The following PARD3 variants were observed in gnomAD, a reference collection of about 807,000 sequenced individuals.
PARD3 encodes the protein par-3 family cell polarity regulator.
In PARD3, 75 loss-of-function variants were observed where a neutral mutation model predicts 155.4. The ratio of observed to expected loss-of-function variants is 0.48; its 90% CI spans 0.40 to 0.58. The LOEUF is 0.58. PARD3 is among the 20% of genes least tolerant of loss of function. The pLI is 0.00. For missense variants in PARD3, 1,642 were observed against 1,721.7 expected, an observed-to-expected ratio of 0.95 and a Z score of 0.82; for synonymous variants, 576 against 610.5, an observed-to-expected ratio of 0.94 and a Z score of 0.83.
At chr10:34,620,542 G>A (rs138319980) in intron 2 of PARD3, among the ~76,000 whole-genome samples, 84 of 152,316 alleles carry the variant, frequency 5.5e-4, no homozygotes, top group African/African-American at 2.0e-3. Flanking sequence ...AGGAAACGAC[G>A]AGGCTGTTTG....
intron 2 of PARD3, among the ~76,000 whole-genome samples, chr10:34,629,500 G>A (rs2092154379): frequency 6.6e-6 from 1 of 152,194 alleles, no homozygotes. Context: ...TCCAGATTTG[G>A]GAATAGGTTT....
intron 2 of PARD3, among the ~76,000 whole-genome samples, chr10:34,548,890 T>A (rs999838505): frequency 1.6e-4 from 24 of 152,210 alleles, no homozygotes; most frequent in African/African-American, 5.5e-4. Flanking sequence ...GCAGTCCACT[T>A]TCAACTACTT....
intron 20 of PARD3, among the ~76,000 whole-genome samples, chr10:34,298,371 T>C (rs1364871090): frequency 6.6e-6 from 1 of 152,114 alleles, no homozygotes; most frequent in African/African-American, 2.4e-5. Flanking sequence ...TGGGAATGGA[T>C]AAACAAAATG....
intron 22 of PARD3, among the ~76,000 whole-genome samples, chr10:34,161,585 A>C (rs1270623323): frequency 1.3e-5 from 2 of 152,140 alleles, no homozygotes; most frequent in African/African-American, 4.8e-5. Flanking sequence ...ACTTCATTAT[A>C]ATCTAATTTC....
intron 2 of PARD3, among the ~76,000 whole-genome samples, chr10:34,670,094 G>C (rs998044678): frequency 1.3e-5 from 2 of 152,154 alleles, no homozygotes; most frequent in African/African-American, 4.8e-5. Flanking sequence ...TTTTAATTTT[G>C]ACCCCAAAGC....
intron 14 of PARD3, among the ~76,000 whole-genome samples, chr10:34,349,225 G>T (rs1223553556): frequency 6.6e-6 from 1 of 152,142 alleles, no homozygotes; most frequent in Non-Finnish European, 1.5e-5. Flanking sequence ...TCCGTTAGAA[G>T]CTATCATCTG....
chr10:34,535,911 C>T (rs564875022), intron 2 of PARD3, among the ~76,000 whole-genome samples: 144 of 152,168 alleles, frequency 9.5e-4, no homozygotes, highest in Middle Eastern at 6.8e-3. Context: ...AAATGCTTTT[C>T]CTTCAAAGAC....
chr10:34,177,096 T>C (rs1452776538), intron 22 of PARD3, among the ~76,000 whole-genome samples: 3 of 152,198 alleles, frequency 2.0e-5, no homozygotes, highest in Non-Finnish European at 4.4e-5. Context: ...TGAAGGAACC[T>C]ATACTATTAT....
chr10:34,424,998 C>T (rs1020614686), intron 5 of PARD3, among the ~76,000 whole-genome samples: 5 of 152,140 alleles, frequency 3.3e-5, no homozygotes, highest in Non-Finnish European at 7.4e-5. Context: ...AAACCTGGGG[C>T]GTGTCCCTCC....
At chr10:34,404,732 T>C (rs994478273) in intron 5 of PARD3, among the ~76,000 whole-genome samples, 5 of 152,104 alleles carry the variant, frequency 3.3e-5, no homozygotes, top group African/African-American at 9.7e-5. Flanking sequence ...TATAACCTTA[T>C]GCAAGTTATG....
At chr10:34,725,105 TTG>T (rs71033342) in intron 1 of PARD3, among the ~76,000 whole-genome samples, 17,689 of 135,610 alleles carry the variant, frequency 0.13, 1,100 homozygotes, top group Admixed American at 0.15. Context: ...AGTCAAAACT[TTG>T]TGTGTGTGTG....
At chr10:34,154,531 C>T (rs779734385) in intron 22 of PARD3, among the ~76,000 whole-genome samples, 13 of 152,156 alleles carry the variant, frequency 8.5e-5, no homozygotes, top group Non-Finnish European at 1.8e-4. Flanking sequence ...TTTTCCTCAT[C>T]AACAAGGAAC....
In PARD3 at chr10:34,382,839, T is replaced by C; in HGVS notation, c.1100A>G (p.Glu367Gly). 6.2e-7 allele frequency: 1 copy of C among 1,614,200 alleles called. No homozygotes were observed. Residue 367 changes from glutamate to glycine, a missense_variant, in exon 9 of 25, where the codon GAA becomes GGA. By Grantham distance (98) the Glu-to-Gly change is moderately conservative. Transcript: ENST00000374788. ...VVPAANKEQY[E>G]QLSQSEKNNY... Reference sequence around the variant, plus strand: ...GTTCTTCTCACTTTGGGATAGTTGTTCATACTGCTCTTTATTTGCTGCAGG... The same window carrying C: ...GTTCTTCTCACTTTGGGATAGTTGTCCATACTGCTCTTTATTTGCTGCAGG...
chr10:34,242,045 T>C (rs555422861), intron 22 of PARD3, among the ~76,000 whole-genome samples: 2 of 152,316 alleles, frequency 1.3e-5, no homozygotes, highest in East Asian at 1.9e-4. Context: ...GGTATACTTA[T>C]GATAACCAGC....
At chr10:34,436,630 C>T (rs1325971479) in intron 5 of PARD3, among the ~76,000 whole-genome samples, 2 of 152,134 alleles carry the variant, frequency 1.3e-5, no homozygotes, top group African/African-American at 4.8e-5. Flanking sequence ...AAACTCAATA[C>T]AAAATGACTT....
At chr10:34,762,232 GAGAA>G (rs1383283915) in intron 1 of PARD3, among the ~76,000 whole-genome samples, 2 of 151,760 alleles carry the variant, frequency 1.3e-5, no homozygotes, top group Admixed American at 6.6e-5. Context: ...TTTTGTGTGT[GAGAA>G]AGAGAGAGGC....
chr10:34,382,562 C>T lies in PARD3; in HGVS notation c.1377G>A (p.Arg459=), dbSNP rs1841963256. 1.2e-6 allele frequency: 2 copies of T among 1,613,078 alleles called. No homozygotes were observed. Among genetic ancestry groups the T allele is most frequent in the Non-Finnish European group, 1.7e-6 (2 of 1,179,912 alleles). Residue 459 remains arginine (R), a synonymous_variant, in exon 9 of 25, where the codon AGG becomes AGA. Transcript: ENST00000374788. ...TACCTTTCTTAAGCTGGATATTAAG[C>T]CTCTTGCCTATTTTTTTGGTGTTAT... ...SGYNTKKIGK[R]LNIQLKKGTE...
chr10:34,402,197 T>C (rs1404169870), intron 5 of PARD3, among the ~76,000 whole-genome samples: 2 of 152,214 alleles, frequency 1.3e-5, no homozygotes, highest in Non-Finnish European at 2.9e-5. Context: ...ATCTTTATGC[T>C]AATTTTCTTA....
At chr10:34,254,787 T>G (rs951188926) in intron 22 of PARD3, among the ~76,000 whole-genome samples, 1 of 152,050 alleles carries the variant, frequency 6.6e-6, no homozygotes, top group Non-Finnish European at 1.5e-5. Context: ...TTCATTTCCA[T>G]CCCTACCACA....
Sources: allele counts gnomAD v4.1 joint callset (sites outside exome capture counted in the v4.1 genomes callset), GRCh38; gene constraint gnomAD v4.1.1; transcripts MANE v1.5; gene names NCBI Gene and HGNC (gene_info 2026-07-23, HGNC 2026-07-21).